Variants in HSF2 observed in about 807,000 individuals in gnomAD.
HSF2 encodes heat shock factor protein 2.
HSF2 carries 21 observed loss-of-function variants against 65.0 expected under a neutral mutation model. The ratio of observed to expected loss-of-function variants is 0.32; its 90% CI spans 0.23 to 0.47. HSF2 has a LOEUF of 0.47. HSF2 is among the 20% of genes least tolerant of loss of function. HSF2 has a pLI of 1.00. For missense variants in HSF2, 499 were observed against 628.1 expected, an observed-to-expected ratio of 0.79 and a Z score of 2.20; for synonymous variants, 225 against 219.1, an observed-to-expected ratio of 1.03 and a Z score of -0.24.
rs1180340205 is a variant in HSF2 at position 122,414,070 on chromosome 6, AC to A, written c.455+422del. ...TGTCTCTTAAGATTTCTTTGTGTGG[AC>A]TCTTAGGAAAAAGTAGGACACAAAA... On this transcript the variant is annotated intron_variant, in intron 4 of 12. Transcript: ENST00000368455. Among the ~76,000 whole-genome samples, 3 of 151,924 alleles carry A rather than the reference AC, an allele frequency of 2.0e-5. No homozygotes were observed. The East Asian group carries it at 5.8e-4, about 29-fold the overall frequency.
At chr6:122,428,627 G>T (rs1173374748) in intron 11 of HSF2, among the ~76,000 whole-genome samples, 2 of 151,818 alleles carry the variant, frequency 1.3e-5, no homozygotes, top group African/African-American at 4.8e-5. Context: ...TCTTTTATTT[G>T]TACCAAATTG....
intron 1 of HSF2, among the ~76,000 whole-genome samples, chr6:122,406,102 A>C (rs1336554005): frequency 6.6e-6 from 1 of 152,208 alleles, no homozygotes; most frequent in African/African-American, 2.4e-5. Context: ...CCCTGCTGAC[A>C]GAACTTAACA....
rs1562207943 is a variant in HSF2 at position 122,432,527 on chromosome 6, T to G, written c.*307T>G. The G allele has an allele frequency of 4.0e-6, 1 of 252,236 alleles. No homozygotes were observed. Among genetic ancestry groups the G allele is most frequent in the African/African-American group, 2.3e-5 (1 of 44,110 alleles). 15.6% of individuals were successfully genotyped at this position (252,236 alleles called of 1,614,324 possible). ...TTTTTTACAAATACGACCATTAACC[T>G]CAGTTAAATTTTTGTTTGTTTTCCT... On this transcript the variant is annotated 3_prime_UTR_variant, in exon 13 of 13. Coordinates refer to ENST00000368455, the MANE Select transcript of HSF2 (RefSeq NM_004506.4).
Position 122,399,684 on chromosome 6 carries a change from G to A in HSF2, c.-54G>A. 6.7e-7 allele frequency: 1 copy of A among 1,497,442 alleles called. No homozygotes were observed. The highest frequency in any genetic ancestry group is 9.2e-7 in the Non-Finnish European group (1 of 1,084,420). The allele number at this position is 1,497,442 out of a possible 1,614,324, so 92.8% of individuals were successfully genotyped here. ...GGGAGCTGCTGCCGTAGCTGCCGCC[G>A]CCGCTACCACCGCGTTCGGGTGTAG... On this transcript the variant is annotated 5_prime_UTR_variant, in exon 1 of 13. Transcript: ENST00000368455.
intron 1 of HSF2, among the ~76,000 whole-genome samples, chr6:122,402,753 A>G (rs931567174): frequency 6.6e-6 from 1 of 152,058 alleles, no homozygotes; most frequent in African/African-American, 2.4e-5. Context: ...GTGTTTCACC[A>G]TGTTGGCCAG....
In HSF2 at chr6:122,432,393, A is replaced by G; in HGVS notation, c.*173A>G. 1.7e-6 allele frequency: 1 copy of G among 588,098 alleles called. No individual in the cohort carries two copies. The highest frequency in any genetic ancestry group is 3.0e-6 in the Non-Finnish European group (1 of 334,518). The allele number at this position is 588,098 out of a possible 1,614,324, so 36.4% of individuals were successfully genotyped here. A position where few individuals can be genotyped will look rare whatever the true frequency, so the allele number is the denominator to read the frequency against. ...AACCACACACTCTTGCAGAGCTTTCAGGTGTTACTCAGCTGCATAGTTACG... is the reference window on the plus strand; with the variant it reads ...AACCACACACTCTTGCAGAGCTTTCGGGTGTTACTCAGCTGCATAGTTACG... On this transcript the variant is annotated 3_prime_UTR_variant, in exon 13 of 13. Transcript: ENST00000368455.
intron 1 of HSF2, among the ~76,000 whole-genome samples, chr6:122,408,187 T>C (rs1402242936): frequency 2.0e-5 from 3 of 152,148 alleles, no homozygotes; most frequent in Admixed American, 2.0e-4. Flanking sequence ...TGCCATTCCA[T>C]TGGACAATTT....
At position 122,399,773 on chromosome 6, in the gene HSF2, C is replaced by G; in HGVS notation, c.36C>G (p.Ser12Arg). Residue 12 changes from serine (S) to arginine (R), a missense_variant, in exon 1 of 13, where the codon AGC becomes AGG. Physicochemically the swap from Ser to Arg is moderately radical, Grantham distance 110 (BLOSUM62 -1). This residue lies in a region of HSF2 where 150 missense variants were observed against 234.6 expected (regional missense o/e 0.64). Transcript: ENST00000368455. The part of the protein sequence containing the change: ...KQSSNVPAFL[S>R]KLWTLVEETH... ...GTTCGAACGTGCCGGCTTTCCTCAG[C>G]AAGCTGTGGACGCTTGTGGAGGAAA... The G allele has an allele frequency of 6.2e-7, 1 of 1,612,666 alleles. No individual in the cohort carries two copies. Among genetic ancestry groups the G allele is most frequent in the South Asian group, 1.1e-5 (1 of 90,848 alleles).
chr6:122,403,843 G>C (rs949983185), intron 1 of HSF2, among the ~76,000 whole-genome samples: 1 of 152,140 alleles, frequency 6.6e-6, no homozygotes, highest in African/African-American at 2.4e-5. Context: ...CCTAAAGAGA[G>C]GGCACATATT....
At chr6:122,431,661 T>G (rs1017181627) in intron 12 of HSF2, 147 bp downstream of exon 12, 1 of 533,366 alleles carries the variant, frequency 1.9e-6, no homozygotes, top group Non-Finnish European at 3.3e-6. Flanking sequence ...GAAAGTTGAA[T>G]TGGTGAGGTA....
chr6:122,430,960 CATT>C (rs1324599393), intron 11 of HSF2, among the ~76,000 whole-genome samples: 1 of 152,128 alleles, frequency 6.6e-6, no homozygotes, highest in Admixed American at 6.6e-5. Context: ...TTAAGGATGT[CATT>C]ATGTCATCCT....
Position 122,400,189 on chromosome 6 carries a change from T to C in HSF2, c.93+359T>C, listed in dbSNP as rs192387966. Among the ~76,000 whole-genome samples, 209 of 152,148 alleles carry C rather than the reference T, an allele frequency of 1.4e-3. 2 individuals are homozygous for C. Among genetic ancestry groups the C allele is most frequent in the African/African-American group, 4.7e-3 (194 of 41,508 alleles). On this transcript the variant is annotated intron_variant, in intron 1 of 12. Transcript: ENST00000368455. ...CTCTTTACTGCACACTCATCCTCCG[T>C]CCTCCCGCCCGGCTCAGGGGTTACA... is the stretch of plus-strand genomic sequence containing the variant.
chr6:122,415,972 G>A (rs1341306405), intron 4 of HSF2, among the ~76,000 whole-genome samples: 2 of 151,862 alleles, frequency 1.3e-5, no homozygotes, highest in Non-Finnish European at 2.9e-5. Context: ...AGCCGAGATC[G>A]TACCACTGCA....
intron 5 of HSF2, among the ~76,000 whole-genome samples, chr6:122,417,028 G>C (rs1774142653): frequency 6.6e-6 from 1 of 152,140 alleles, no homozygotes; most frequent in South Asian, 2.1e-4. Flanking sequence ...CTCCTGCTTA[G>C]AAGGCCCTTG....
At chr6:122,409,817 T>C (rs895249149) in intron 1 of HSF2, among the ~76,000 whole-genome samples, 1 of 152,032 alleles carries the variant, frequency 6.6e-6, no homozygotes, top group African/African-American at 2.4e-5. Flanking sequence ...GTCTTCTGGG[T>C]TTATTATGTC....
rs780639398 is a variant in HSF2 at position 122,423,656 on chromosome 6, A to G, written c.1146A>G (p.Gln382=). 1.2e-6 allele frequency: 2 copies of G among 1,608,232 alleles called. No homozygotes were observed. Among genetic ancestry groups the G allele is most frequent in the South Asian group, 1.1e-5 (1 of 90,590 alleles). The change falls in exon 10 of 13, where the codon CAA becomes CAG. Residue 382 remains glutamine, a synonymous_variant. Transcript: ENST00000368455. ...EDFQAMLSGR[Q]FSIDPDLLVD... is the part of the protein sequence containing the mutation. The stretch of plus-strand genomic sequence containing the variant: ...TCCAGGCCATGCTATCAGGAAGACA[A>G]TTTAGCATAGACCCAGATCTCCTGG...
At chr6:122,399,618 G>T, upstream of HSF2, 1 of 772,272 alleles carries the variant, frequency 1.3e-6, no homozygotes. Context: ...TTGGGGGGGC[G>T]GGGACCAAGA....
At chr6:122,420,328 G>T in intron 7 of HSF2, 106 bp downstream of exon 7, 2 of 733,222 alleles carry the variant, frequency 2.7e-6, no homozygotes, top group South Asian at 2.6e-5. Flanking sequence ...CAATTCAAGT[G>T]TTCATCCCAC....
intron 12 of HSF2, among the ~76,000 whole-genome samples, 169 bp downstream of exon 12, chr6:122,431,683 A>AT (rs1774472602): frequency 3.3e-4 from 3 of 9,216 alleles, no homozygotes; most frequent in Non-Finnish European, 7.0e-4. Context: ...CAATTCTTTA[A>AT]GTTTTTTTTT....
Sources: allele counts gnomAD v4.1 joint callset (sites outside exome capture counted in the v4.1 genomes callset), GRCh38; gene constraint gnomAD v4.1.1; regional missense constraint gnomAD v4.1.1; transcripts MANE v1.5; gene names NCBI Gene and HGNC (gene_info 2026-07-23, HGNC 2026-07-21).